CNTNAP3: variants seen among roughly 807,000 people sequenced by gnomAD.
CNTNAP3 encodes contactin associated protein family member 3.
Under a neutral mutation model 92.1 loss-of-function variants are expected in CNTNAP3, and 36 were observed. The ratio of observed to expected loss-of-function variants is 0.39; its 90% confidence interval spans 0.30 to 0.52. The LOEUF is 0.52. CNTNAP3 is among the 20% of genes least tolerant of loss of function. The pLI is 0.76. For synonymous variants in CNTNAP3, 232 were observed against 422.3 expected (o/e 0.55, Z 5.53); for missense variants, 534 against 1,069.6 (o/e 0.50, Z 6.98).
chr9:39,112,742 A>G (rs1247185006), intron 14 of CNTNAP3, among the ~76,000 whole-genome samples: 1 of 152,138 alleles, frequency 6.6e-6, no homozygotes, highest in Non-Finnish European at 1.5e-5. Flanking sequence ...CACTTAAAAA[A>G]TTTCTAGATT....
chr9:39,085,419 C>T (rs1177875901), intron 21 of CNTNAP3: 1 of 374,910 alleles, frequency 2.7e-6, no homozygotes, highest in African/African-American at 2.1e-5. Flanking sequence ...CATACATAAT[C>T]TGTGAACTTC....
At chr9:39,144,042 C>T (rs1613583) in intron 11 of CNTNAP3, among the ~76,000 whole-genome samples, 198 bp downstream of exon 11, 1 of 152,080 alleles carries the variant, frequency 6.6e-6, no homozygotes, top group South Asian at 2.1e-4. Flanking sequence ...CAATCCTATG[C>T]GTACCACGTA....
intron 13 of CNTNAP3, among the ~76,000 whole-genome samples, chr9:39,120,258 A>G (rs991650044): frequency 1.3e-5 from 2 of 152,208 alleles, no homozygotes; most frequent in Non-Finnish European, 2.9e-5. Flanking sequence ...ATGATAGTAG[A>G]TTACTCATCT....
Position 39,068,585 on chromosome 9 carries a change from C to A in CNTNAP3, c.*5305G>T, listed in dbSNP as rs1449190877. 6.6e-6 allele frequency among the ~76,000 whole-genome samples: 1 copy of A among 152,306 alleles called. No individual in the cohort carries two copies. Among genetic ancestry groups the A allele is most frequent in the Admixed American group, 6.5e-5 (1 of 15,290 alleles). ...TTCTTTCCCTTGCCTCAGGTAGTTT[C>A]ATGCACTTTGTTACACACTGAAGGG... On this transcript the variant is annotated 3_prime_UTR_variant, in exon 24 of 24. Transcript: ENST00000297668.
At chr9:39,075,970 A>G in intron 23 of CNTNAP3, among the ~76,000 whole-genome samples, 1 of 152,298 alleles carries the variant, frequency 6.6e-6, no homozygotes, top group African/African-American at 2.4e-5. Flanking sequence ...AAAGTACTTC[A>G]CACAAATATT....
intron 12 of CNTNAP3, among the ~76,000 whole-genome samples, chr9:39,135,829 AAAT>A (rs923923761): frequency 7.2e-5 from 11 of 152,060 alleles, no homozygotes; most frequent in African/African-American, 2.7e-4. Context: ...GTAAAAAAGA[AAAT>A]AATAATAATG....
intron 9 of CNTNAP3, among the ~76,000 whole-genome samples, chr9:39,153,022 A>C (rs2118156399): frequency 1.1e-5 from 1 of 89,966 alleles, no homozygotes; most frequent in Non-Finnish European, 2.1e-5. Flanking sequence ...AAAAACTAAA[A>C]TCCAGGTGTC....
chr9:39,107,668 A>C (rs911564414), intron 15 of CNTNAP3, among the ~76,000 whole-genome samples: 1 of 152,206 alleles, frequency 6.6e-6, no homozygotes, highest in African/African-American at 2.4e-5. Flanking sequence ...ACATTGGGAG[A>C]AGCTTAGAAT....
At position 39,067,631 on chromosome 9, in the gene CNTNAP3, C is replaced by T. The variant is rs1380102463; in HGVS notation, c.*6259G>A. The stretch of plus-strand genomic sequence containing the variant: ...CAGGATGGTCTCCATCTCCCGACCT[C>T]GTGATCTGCCTGCCTCGACCTCCCA... On this transcript the variant is annotated 3_prime_UTR_variant, in exon 24 of 24. Transcript: ENST00000297668. 2.1e-4 allele frequency among the ~76,000 whole-genome samples: 32 copies of T among 152,264 alleles called. No individual in the cohort carries two copies. The highest frequency in any genetic ancestry group is 1.9e-4 in the East Asian group (1 of 5,194).
rs1181144861 is a variant in CNTNAP3, at chr9:39,066,727, A to G, written c.*7163T>C. Among the ~76,000 whole-genome samples the G allele has an allele frequency of 6.6e-6, 1 of 152,306 alleles. No individual in the cohort carries two copies. Among genetic ancestry groups the G allele is most frequent in the Non-Finnish European group, 1.5e-5 (1 of 68,056 alleles). The stretch of plus-strand genomic sequence containing the variant: ...TGCCCTTCCCCTTGCATTGCTTCCA[A>G]AAAGAAGTCTGGTATCATCCTTGTT... On this transcript the variant is annotated 3_prime_UTR_variant, in exon 24 of 24. Coordinates refer to ENST00000297668, the MANE Select transcript of CNTNAP3 (RefSeq NM_033655.5).
chr9:39,148,124 C>T (rs1342295083), intron 10 of CNTNAP3, among the ~76,000 whole-genome samples: 2 of 151,928 alleles, frequency 1.3e-5, no homozygotes, highest in African/African-American at 4.8e-5. Flanking sequence ...AACTACCCTT[C>T]CCACGACTAC....
At position 39,103,661 on chromosome 9, in the gene CNTNAP3, T is replaced by A. The variant is rs901903907; in HGVS notation, c.2536+83A>T. On this transcript the variant is annotated intron_variant, in intron 16 of 23. Coordinates refer to ENST00000297668, the MANE Select transcript of CNTNAP3 (RefSeq NM_033655.5). ...ATGAAATAGAATCACAAAATAAGAA[T>A]GAAATACTAACATTTTGTTGAGTTA... 2.9e-6 allele frequency: 4 copies of A among 1,397,438 alleles called. No homozygotes were observed. The Admixed American group carries it at 7.6e-5, about 27-fold the overall frequency. The allele number at this position is 1,397,438 out of a possible 1,614,324, so 86.6% of individuals were successfully genotyped here.
At chr9:39,130,189 C>T (rs1587722836) in intron 13 of CNTNAP3, among the ~76,000 whole-genome samples, 1 of 152,102 alleles carries the variant, frequency 6.6e-6, no homozygotes, top group African/African-American at 2.4e-5. Flanking sequence ...AACCTGTACA[C>T]AATGTTCATA....
At chr9:39,148,619 C>T (rs542308835) in intron 10 of CNTNAP3, among the ~76,000 whole-genome samples, 2 of 151,626 alleles carry the variant, frequency 1.3e-5, no homozygotes, top group East Asian at 3.9e-4. Flanking sequence ...TCCGCCTCCA[C>T]GGTTCACGCC....
chr9:39,159,546 C>T (rs926640303), intron 9 of CNTNAP3: 22 of 133,384 alleles, frequency 1.6e-4, no homozygotes, highest in African/African-American at 5.8e-4. Context: ...TAGCCAGGCT[C>T]GTCTTCAACT....
In CNTNAP3 at chr9:39,161,695, T is replaced by TAATAAA. The variant is rs35637989; in HGVS notation, c.1477+4237_1477+4238insTTTATT. 2.3e-3 allele frequency among the ~76,000 whole-genome samples: 291 copies of TAATAAA among 127,662 alleles called. 6 individuals are homozygous for TAATAAA. Among genetic ancestry groups the TAATAAA allele is most frequent in the South Asian group, 8.2e-3 (33 of 4,006 alleles). 83.8% of individuals were successfully genotyped at this position (127,662 alleles called of 152,430 possible). ...ATAATAATAATAATAATAATAATAATAAATTAGCTGGATGTGGTGGCACGT... is the reference window on the plus strand; with the variant it reads ...ATAATAATAATAATAATAATAATAATAATAAAAAATTAGCTGGATGTGGTGGCACGT... On this transcript the variant is annotated intron_variant, in intron 9 of 23. Coordinates refer to ENST00000297668, the MANE Select transcript of CNTNAP3 (RefSeq NM_033655.5).
At chr9:39,113,624 T>C (rs1820765339) in intron 14 of CNTNAP3, among the ~76,000 whole-genome samples, 1 of 152,058 alleles carries the variant, frequency 6.6e-6, no homozygotes, top group Non-Finnish European at 1.5e-5. Flanking sequence ...TTATTTCCTC[T>C]TGTGTCTTTA....
intron 13 of CNTNAP3, among the ~76,000 whole-genome samples, chr9:39,119,336 C>A (rs1287855141): frequency 6.9e-6 from 1 of 144,498 alleles, no homozygotes; most frequent in Non-Finnish European, 1.5e-5. Context: ...CCACCACTAT[C>A]CATCACCTGC....
At chr9:39,078,220 AACAAAGAACAAAAAAC>A in intron 23 of CNTNAP3, 149 bp downstream of exon 23, 7 of 14,126 alleles carry the variant, frequency 5.0e-4, no homozygotes, top group Non-Finnish European at 7.6e-4. Flanking sequence ...ATAGAAAAAA[AACAAAGAACAAAAAAC>A]AAAAAACCAC....
Sources: gnomAD v4.1 joint callset for allele counts (sites outside exome capture counted in the v4.1 genomes callset) on GRCh38, gnomAD v4.1.1 for gene constraint, MANE v1.5 for transcripts, NCBI Gene and HGNC (gene_info 2026-07-23, HGNC 2026-07-21) for gene names.